FAM149B1: variants seen among roughly 807,000 people sequenced by gnomAD.
The protein encoded by FAM149B1 is primary cilium assembly protein FAM149B1.
In FAM149B1, 56 loss-of-function variants were observed where a neutral mutation model predicts 75.3. That is an observed-to-expected ratio of 0.74 (90% CI 0.60 to 0.93). The LOEUF is 0.93. Ranked by LOEUF, FAM149B1 falls within the 40% of genes least tolerant of loss-of-function variation. The pLI, the probability that FAM149B1 is intolerant of heterozygous loss-of-function variation, is 0.00. For synonymous variants in FAM149B1, 259 were observed against 256.1 expected (o/e 1.01, Z -0.11); for missense variants, 639 against 708.4 (o/e 0.90, Z 1.11).
intron 7 of FAM149B1, among the ~76,000 whole-genome samples, chr10:73,216,678 A>G (rs1228649674): frequency 1.3e-5 from 2 of 152,176 alleles, no homozygotes; most frequent in African/African-American, 4.8e-5. Context: ...CTAGGTATGC[A>G]TAGAAGAGCT....
chr10:73,228,024 T>C, intron 7 of FAM149B1, 36 bp from the exon 8 acceptor site: 1 of 1,547,296 alleles, frequency 6.5e-7, no homozygotes, highest in Non-Finnish European at 8.7e-7. Context: ...GGCCAGAAGA[T>C]TATCCATGGA....
intron 3 of FAM149B1, among the ~76,000 whole-genome samples, chr10:73,187,039 T>C (rs758731471): frequency 1.2e-4 from 19 of 152,194 alleles, no homozygotes; most frequent in Non-Finnish European, 2.4e-4. Flanking sequence ...GTGAATTATA[T>C]CTAAATTTAA....
chr10:73,226,098 AATT>A lies in FAM149B1; in HGVS notation c.899-1961_899-1959del, dbSNP rs201212538. ...TAAGTCATGTGTATTTTACCACAAT[AATT>A]TTTTTTTTTTTTTTTTAAGTAGCAG... On this transcript the variant is annotated intron_variant, in intron 7 of 13. Transcript: ENST00000242505. 3.7e-3 allele frequency among the ~76,000 whole-genome samples: 530 copies of A among 144,682 alleles called. 5 individuals carry two copies. The highest frequency in any genetic ancestry group is 0.014 in the African/African-American group (507 of 35,882). 94.9% of individuals were successfully genotyped at this position (144,682 alleles called of 152,430 possible).
In FAM149B1 at chr10:73,243,746, T is replaced by G; in HGVS notation, c.*2727T>G. Reference sequence around the variant, plus strand: ...AGGACAAATAGAAGGTATGCGGTTATGTCTTAAAAGAAGAAAACAAAATAC... The same window carrying G: ...AGGACAAATAGAAGGTATGCGGTTAGGTCTTAAAAGAAGAAAACAAAATAC... On this transcript the variant is annotated 3_prime_UTR_variant, in exon 14 of 14. Coordinates refer to ENST00000242505, the MANE Select transcript of FAM149B1 (RefSeq NM_173348.2). 1 of 1,229,174 alleles carries G rather than the reference T, an allele frequency of 8.1e-7. No individual in the cohort carries two copies. The highest frequency in any genetic ancestry group is 1.4e-5 in the South Asian group (1 of 72,706). 76.1% of individuals were successfully genotyped at this position (1,229,174 alleles called of 1,614,324 possible).
At chr10:73,203,282 T>C (rs186684081) in intron 5 of FAM149B1, among the ~76,000 whole-genome samples, 1 of 152,314 alleles carries the variant, frequency 6.6e-6, no homozygotes, top group Admixed American at 6.5e-5. Flanking sequence ...TCTGCTCATA[T>C]TGCATTGACT....
intron 5 of FAM149B1, among the ~76,000 whole-genome samples, chr10:73,203,630 T>C (rs1400073257): frequency 1.3e-4 from 19 of 150,796 alleles, no homozygotes; most frequent in Admixed American, 1.3e-3. Context: ...TTATAAACAA[T>C]TCTGTGATCA....
chr10:73,173,600 T>C (rs1473099364), intron 1 of FAM149B1, among the ~76,000 whole-genome samples: 2 of 152,186 alleles, frequency 1.3e-5, no homozygotes, highest in Non-Finnish European at 1.5e-5. Flanking sequence ...GTTAGGGGTA[T>C]TGACCCCCTG....
intron 7 of FAM149B1, among the ~76,000 whole-genome samples, chr10:73,216,603 T>C (rs2043304032): frequency 6.6e-6 from 1 of 152,194 alleles, no homozygotes; most frequent in South Asian, 2.1e-4. Flanking sequence ...CAAGAAGATG[T>C]GAGGAGTACA....
At chr10:73,221,827 ATTC>A (rs2043421802) in intron 7 of FAM149B1, among the ~76,000 whole-genome samples, 2 of 151,478 alleles carry the variant, frequency 1.3e-5, no homozygotes, top group South Asian at 4.2e-4. Flanking sequence ...TTTTTTTTGT[ATTC>A]TTTTTTTTCT....
At chr10:73,194,518 G>A (rs542344184) in intron 5 of FAM149B1, among the ~76,000 whole-genome samples, 13 of 151,720 alleles carry the variant, frequency 8.6e-5, no homozygotes, top group South Asian at 6.2e-4. Flanking sequence ...TCAGCCTCCC[G>A]AGTAGCTGGG....
intron 3 of FAM149B1, among the ~76,000 whole-genome samples, chr10:73,179,606 C>G (rs1422492428): frequency 6.6e-6 from 1 of 151,058 alleles, no homozygotes; most frequent in African/African-American, 2.4e-5. Context: ...GAGGTAGGAT[C>G]TGGAACTCCT....
intron 8 of FAM149B1, among the ~76,000 whole-genome samples, chr10:73,228,609 AT>A (rs113150483): frequency 6.7e-6 from 1 of 149,634 alleles, no homozygotes; most frequent in Non-Finnish European, 1.5e-5. Flanking sequence ...TTATTTTTTC[AT>A]TTTTTTTGAG....
intron 7 of FAM149B1, among the ~76,000 whole-genome samples, chr10:73,217,061 C>T (rs1008239365): frequency 1.3e-5 from 2 of 152,188 alleles, no homozygotes; most frequent in African/African-American, 4.8e-5. Flanking sequence ...TGAGTGGAAT[C>T]GTATGCACTC....
At chr10:73,231,188 T>G (rs1481535648) in intron 9 of FAM149B1, 2 of 152,232 alleles carry the variant, frequency 1.3e-5, no homozygotes, top group Admixed American at 1.3e-4. Flanking sequence ...CTGAGGAGTA[T>G]TCTATTGTAA....
At chr10:73,216,487 TTG>T (rs2043302293) in intron 7 of FAM149B1, among the ~76,000 whole-genome samples, 2 of 149,270 alleles carry the variant, frequency 1.3e-5, no homozygotes, top group African/African-American at 5.0e-5. Flanking sequence ...TCTCTGTCTT[TTG>T]TCTTTGTGGT....
chr10:73,233,104 G>C lies in FAM149B1; in HGVS notation c.1293G>C (p.Thr431=). The change falls in exon 10 of 14, where the codon ACG becomes ACC. Residue 431 remains threonine, a synonymous_variant. Coordinates refer to ENST00000242505, the MANE Select transcript of FAM149B1 (RefSeq NM_173348.2). ...CACGAACTCTTCATCCGATCAGCAC[G>C]AGCCATTCATGTGCTGAAACACCAA... The part of the protein sequence containing the change: ...PPPRTLHPIS[T]SHSCAETPRS... 1 of 1,551,700 alleles carries C rather than the reference G, an allele frequency of 6.4e-7. No individual in the cohort carries two copies. Among genetic ancestry groups the C allele is most frequent in the Non-Finnish European group, 8.7e-7 (1 of 1,146,992 alleles).
At chr10:73,223,885 C>A (rs1038403299) in intron 7 of FAM149B1, among the ~76,000 whole-genome samples, 12 of 152,112 alleles carry the variant, frequency 7.9e-5, no homozygotes, top group African/African-American at 2.9e-4. Context: ...TAATAATAAA[C>A]CCTGGTAATA....
intron 5 of FAM149B1, among the ~76,000 whole-genome samples, chr10:73,204,640 G>C (rs559547539): frequency 1.3e-5 from 2 of 152,194 alleles, no homozygotes; most frequent in South Asian, 4.1e-4. Flanking sequence ...TAGGAAGGAA[G>C]AGAAATTTGA....
At chr10:73,213,531 G>A (rs1032322027) in intron 7 of FAM149B1, among the ~76,000 whole-genome samples, 1 of 152,068 alleles carries the variant, frequency 6.6e-6, no homozygotes, top group Non-Finnish European at 1.5e-5. Flanking sequence ...TTTGTATATG[G>A]TGAGAGGTAT....
Sources: gnomAD v4.1 joint callset for allele counts (sites outside exome capture counted in the v4.1 genomes callset) on GRCh38, gnomAD v4.1.1 for gene constraint, MANE v1.5 for transcripts, NCBI Gene and HGNC (gene_info 2026-07-23, HGNC 2026-07-21) for gene names.